The following NLGN1 variants were observed in gnomAD, a reference collection of about 807,000 sequenced individuals.
The protein encoded by NLGN1 is neuroligin-1.
A neutral mutation model predicts 65.5 loss-of-function variants in NLGN1; 12 were observed. The observed-to-expected ratio is 0.18, with a 90% CI of 0.12 to 0.30. NLGN1 has a LOEUF of 0.30. Among genes scored for constraint, NLGN1 ranks in the 10% least tolerant of loss-of-function variants. NLGN1 has a pLI of 1.00. For synonymous variants in NLGN1, 350 were observed against 359.5 expected (o/e 0.97, Z 0.30); for missense variants, 750 against 1,007.1 (o/e 0.74, Z 3.46).
intron 4 of NLGN1, among the ~76,000 whole-genome samples, chr3:174,025,906 T>C (rs1728738074): frequency 6.6e-6 from 1 of 152,146 alleles, no homozygotes; most frequent in Admixed American, 6.6e-5. Context: ...TTGTAGAAAA[T>C]ACTTATAAGA....
At chr3:173,618,705 GATAA>G (rs1753521629) in intron 3 of NLGN1, among the ~76,000 whole-genome samples, 2 of 152,154 alleles carry the variant, frequency 1.3e-5, no homozygotes, top group Non-Finnish European at 2.9e-5. Flanking sequence ...AGATCACTGA[GATAA>G]ATAGAGTGGC....
chr3:173,535,626 G>T (rs1237156617), intron 2 of NLGN1, among the ~76,000 whole-genome samples: 1 of 152,046 alleles, frequency 6.6e-6, no homozygotes, highest in Non-Finnish European at 1.5e-5. Flanking sequence ...AGAGTGAGAG[G>T]ATCAAACTAG....
intron 4 of NLGN1, among the ~76,000 whole-genome samples, chr3:174,137,317 G>A (rs529297642): frequency 4.6e-5 from 7 of 152,152 alleles, no homozygotes; most frequent in Non-Finnish European, 7.4e-5. Context: ...CAACCCCTGC[G>A]TGGTTTCCTA....
chr3:173,612,095 C>T (rs576766346), intron 3 of NLGN1, among the ~76,000 whole-genome samples: 15 of 152,068 alleles, frequency 9.9e-5, no homozygotes, highest in African/African-American at 3.4e-4. Flanking sequence ...ATACTCTTCT[C>T]CTTCTTCCTC....
chr3:173,757,884 A>C (rs991932), intron 3 of NLGN1, among the ~76,000 whole-genome samples: 79,580 of 151,836 alleles, frequency 0.52, 22,610 homozygotes, highest in East Asian at 0.7. Context: ...ACGAAGTAAT[A>C]AAATACATGA....
At chr3:173,659,262 A>G (rs1760554455) in intron 3 of NLGN1, among the ~76,000 whole-genome samples, 1 of 152,028 alleles carries the variant, frequency 6.6e-6, no homozygotes, top group Non-Finnish European at 1.5e-5. Context: ...TCATTCTTAC[A>G]TTATACTCAA....
At chr3:174,073,277 T>G in intron 4 of NLGN1, among the ~76,000 whole-genome samples, 1 of 152,074 alleles carries the variant, frequency 6.6e-6, no homozygotes, top group Non-Finnish European at 1.5e-5. Flanking sequence ...CATCGCAAAG[T>G]TTGTGTACAA....
At chr3:174,057,737 T>C (rs1736486375) in intron 4 of NLGN1, 1 of 152,112 alleles carries the variant, frequency 6.6e-6, no homozygotes, top group South Asian at 2.1e-4. Flanking sequence ...TCTTTCTCCA[T>C]CTGCATCTCT....
At chr3:173,823,120 T>C (rs932010014) in intron 4 of NLGN1, among the ~76,000 whole-genome samples, 4 of 152,028 alleles carry the variant, frequency 2.6e-5, no homozygotes, top group African/African-American at 9.7e-5. Context: ...AATTTTTAAG[T>C]GTACCTATAT....
At chr3:173,620,660 T>C (rs1192722322) in intron 3 of NLGN1, among the ~76,000 whole-genome samples, 2 of 152,024 alleles carry the variant, frequency 1.3e-5, no homozygotes, top group Non-Finnish European at 2.9e-5. Flanking sequence ...AATAAAGACA[T>C]CTATATGAAT....
intron 4 of NLGN1, among the ~76,000 whole-genome samples, chr3:174,063,708 CAG>C (rs1172245185): frequency 6.6e-6 from 1 of 151,842 alleles, no homozygotes; most frequent in Non-Finnish European, 1.5e-5. Context: ...GAGACAGAGA[CAG>C]AAAGAGACAG....
At chr3:173,819,108 A>G (rs948041205) in intron 4 of NLGN1, among the ~76,000 whole-genome samples, 1 of 151,864 alleles carries the variant, frequency 6.6e-6, no homozygotes, top group Admixed American at 6.6e-5. Flanking sequence ...CTCTGTAAAC[A>G]TATGGATACT....
At chr3:173,810,339 G>C (rs544063337) in intron 4 of NLGN1, among the ~76,000 whole-genome samples, 49 of 152,292 alleles carry the variant, frequency 3.2e-4, no homozygotes, top group African/African-American at 1.1e-3. Context: ...GGTAAGCCAA[G>C]GTTTCTTGGG....
chr3:173,917,477 A>C (rs572557915), intron 4 of NLGN1, among the ~76,000 whole-genome samples: 4 of 152,196 alleles, frequency 2.6e-5, no homozygotes, highest in Non-Finnish European at 5.9e-5. Flanking sequence ...ATTTTGCCTA[A>C]ATTTTTAATA....
chr3:173,789,793 A>G (rs1712236825), intron 3 of NLGN1: 1 of 469,604 alleles, frequency 2.1e-6, no homozygotes, highest in Non-Finnish European at 4.3e-6. Context: ...GGATTAAGCA[A>G]TAAACTAAAG....
chr3:173,646,557 T>G (rs1325347205), intron 3 of NLGN1, among the ~76,000 whole-genome samples: 2 of 152,238 alleles, frequency 1.3e-5, no homozygotes, highest in African/African-American at 4.8e-5. Flanking sequence ...CCAGTTAATC[T>G]GATTGTATCA....
intron 4 of NLGN1, among the ~76,000 whole-genome samples, chr3:174,109,105 T>A (rs1714632490): frequency 6.6e-6 from 1 of 151,972 alleles, no homozygotes; most frequent in Non-Finnish European, 1.5e-5. Context: ...CTTATTAAAT[T>A]TTTTCCTTTG....
intron 2 of NLGN1, among the ~76,000 whole-genome samples, chr3:173,490,036 G>T (rs1263087094): frequency 2.6e-5 from 4 of 152,128 alleles, no homozygotes; most frequent in Non-Finnish European, 5.9e-5. Flanking sequence ...TCTGTAGGTT[G>T]CCTGTTCACT....
chr3:173,815,045 T>C, intron 4 of NLGN1, among the ~76,000 whole-genome samples: 1 of 151,728 alleles, frequency 6.6e-6, no homozygotes, highest in Non-Finnish European at 1.5e-5. Context: ...TCCCTTTCTT[T>C]CTTTTTCTTT....
Sources: allele counts gnomAD v4.1 joint callset (sites outside exome capture counted in the v4.1 genomes callset), GRCh38; gene constraint gnomAD v4.1.1; transcripts MANE v1.5; gene names NCBI Gene and HGNC (gene_info 2026-07-23, HGNC 2026-07-21).